Variants in USP47 observed in about 807,000 individuals in gnomAD.
The protein encoded by USP47 is ubiquitin specific peptidase 47.
A neutral mutation model predicts 165.1 loss-of-function variants in USP47; 35 were observed. The ratio of observed to expected loss-of-function variants is 0.21; its 90% CI spans 0.16 to 0.28. The LOEUF is 0.28. Ranked by LOEUF, USP47 falls within the 10% of genes least tolerant of loss-of-function variation. USP47 has a pLI of 1.00. For missense variants in USP47, 1,277 were observed against 1,607.4 expected, an observed-to-expected ratio of 0.79 and a Z score of 3.52; for synonymous variants, 531 against 544.5, an observed-to-expected ratio of 0.98 and a Z score of 0.35.
intron 3 of USP47, among the ~76,000 whole-genome samples, chr11:11,891,551 C>A (rs1233082563): frequency 6.6e-6 from 1 of 152,184 alleles, no homozygotes; most frequent in Admixed American, 6.5e-5. Flanking sequence ...CATAAGAATT[C>A]TTCAGTTCTG....
chr11:11,885,555 G>A (rs990854987), intron 3 of USP47, among the ~76,000 whole-genome samples: 1 of 152,046 alleles, frequency 6.6e-6, no homozygotes, highest in Admixed American at 6.6e-5. Context: ...AGGAGCCCAC[G>A]CCACCAGGGT....
chr11:11,905,376 A>G, intron 7 of USP47, 23 bp from the exon 8 acceptor site: 1 of 1,546,744 alleles, frequency 6.5e-7, no homozygotes, highest in South Asian at 1.2e-5. Context: ...GAACACTTAA[A>G]AATGTAAATA....
At chr11:11,918,564 T>C (rs543492470) in intron 8 of USP47, among the ~76,000 whole-genome samples, 1 of 152,226 alleles carries the variant, frequency 6.6e-6, no homozygotes, top group South Asian at 2.1e-4. Context: ...CTCAAATGGC[T>C]AAAACAAAGA....
In USP47 at chr11:11,929,900, A is replaced by G. The variant is rs74439109; in HGVS notation, c.1519-144A>G. The G allele has an allele frequency of 1.5e-3, 1,065 of 711,228 alleles. 5 individuals are homozygous for G. The highest frequency in any genetic ancestry group is 0.014 in the African/African-American group (783 of 55,968). The allele number at this position is 711,228 out of a possible 1,614,324, so 44.1% of individuals were successfully genotyped here. A position where few individuals can be genotyped will look rare whatever the true frequency, so the allele number is the denominator to read the frequency against. On this transcript the variant is annotated intron_variant, in intron 12 of 27. Coordinates refer to ENST00000527733, the MANE Select transcript of USP47 (RefSeq NM_001282659.2). ...TGGTAAGCAGCCACTGATTATGATT[A>G]AATTTTGTGAATTGGTAGCTGTGTG...
At chr11:11,928,333 A>G (rs1854408033) in intron 11 of USP47, among the ~76,000 whole-genome samples, 1 of 152,096 alleles carries the variant, frequency 6.6e-6, no homozygotes, top group South Asian at 2.1e-4. Context: ...TCACCACTGT[A>G]ATTAATTTTA....
At chr11:11,890,719 A>G (rs2134371022) in intron 3 of USP47, among the ~76,000 whole-genome samples, 1 of 152,326 alleles carries the variant, frequency 6.6e-6, no homozygotes, top group East Asian at 1.9e-4. Flanking sequence ...TCATATGTTC[A>G]CTGCAGCACT....
rs945921340 is a variant in USP47 at position 11,956,387 on chromosome 11, A to G, written c.*212A>G. On this transcript the variant is annotated 3_prime_UTR_variant, in exon 28 of 28. Transcript: ENST00000527733. ...TGTGCACTATAGTCAAATGTACTGT[A>G]AAGTGAAAAGGGATGTGCAAAAAAA... The G allele has an allele frequency of 2.5e-6, 1 of 406,710 alleles. No homozygotes were observed. The highest frequency in any genetic ancestry group is 9.0e-5 in the South Asian group (1 of 11,152). The allele number at this position is 406,710 out of a possible 1,614,324, so 25.2% of individuals were successfully genotyped here.
At chr11:11,910,618 G>T (rs2134508352) in intron 8 of USP47, among the ~76,000 whole-genome samples, 1 of 152,022 alleles carries the variant, frequency 6.6e-6, no homozygotes, top group South Asian at 2.1e-4. Context: ...TACAGCCAAG[G>T]TTATATCAGC....
rs1218166130 is a variant in USP47, at chr11:11,955,100, A to G, written c.3829A>G (p.Lys1277Glu). The change falls in exon 27 of 28, where the codon AAA (lysine) becomes GAA (glutamate). Residue 1277 changes from lysine to glutamate, a missense_variant. Coordinates refer to ENST00000527733, the MANE Select transcript of USP47 (RefSeq NM_001282659.2). Reference sequence around the variant, plus strand: ...TCATCAGGATTTAGACTGGAATCCTAAAGTTTCTACCCTGAATGTCTGGCC... The same window carrying G: ...TCATCAGGATTTAGACTGGAATCCTGAAGTTTCTACCCTGAATGTCTGGCC... ...DIHQDLDWNP[K>E]VSTLNVWPLY... is the part of the protein sequence containing the mutation. 8 of 1,613,778 alleles carry G rather than the reference A, an allele frequency of 5.0e-6. No individual in the cohort carries two copies. The highest frequency in any genetic ancestry group is 2.2e-5 in the East Asian group (1 of 44,848).
Position 11,929,414 on chromosome 11 carries a change from CT to C in USP47, c.1387-16del, listed in dbSNP as rs1564884416. 1 of 1,608,736 alleles carries C rather than the reference CT, an allele frequency of 6.2e-7. No homozygotes were observed. Among genetic ancestry groups the C allele is most frequent in the South Asian group, 1.1e-5 (1 of 90,314 alleles). ...TGTGTTTTCCTTCTCCTCTGAGTTACTTTTATTTTTTCCCCTTAGAATTCCT... is the reference window on the plus strand; with the variant it reads ...TGTGTTTTCCTTCTCCTCTGAGTTACTTTATTTTTTCCCCTTAGAATTCCT... On this transcript the variant is annotated intron_variant, in intron 11 of 27. Transcript: ENST00000527733.
chr11:11,923,436 T>C (rs1854009972), intron 11 of USP47, among the ~76,000 whole-genome samples: 1 of 152,050 alleles, frequency 6.6e-6, no homozygotes, highest in Non-Finnish European at 1.5e-5. Flanking sequence ...TCAAGACACT[T>C]TGAAAAATGG....
intron 8 of USP47, among the ~76,000 whole-genome samples, chr11:11,919,851 G>A (rs759747649): frequency 6.6e-6 from 1 of 151,788 alleles, no homozygotes; most frequent in African/African-American, 2.4e-5. Flanking sequence ...TAAGGACTGA[G>A]GATATTTTTA....
At chr11:11,919,198 A>T (rs1460688144) in intron 8 of USP47, among the ~76,000 whole-genome samples, 1 of 151,996 alleles carries the variant, frequency 6.6e-6, no homozygotes, top group Non-Finnish European at 1.5e-5. Flanking sequence ...AAGCTTTGCC[A>T]GATATTTTGC....
chr11:11,875,913 T>C (rs1850383832), intron 1 of USP47, among the ~76,000 whole-genome samples: 4 of 152,242 alleles, frequency 2.6e-5, no homozygotes, highest in Non-Finnish European at 5.9e-5. Flanking sequence ...ATTTTTACTT[T>C]TTTAAAAAGG....
At chr11:11,889,927 A>T (rs953499690) in intron 3 of USP47, among the ~76,000 whole-genome samples, 5 of 152,194 alleles carry the variant, frequency 3.3e-5, no homozygotes, top group African/African-American at 1.2e-4. Context: ...CTGATCTTCA[A>T]CAAACCAGAC....
At chr11:11,872,138 TA>T (rs1357187616) in intron 1 of USP47, among the ~76,000 whole-genome samples, 2 of 152,138 alleles carry the variant, frequency 1.3e-5, no homozygotes, top group African/African-American at 4.8e-5. Context: ...GCAGAAAGGC[TA>T]GGGGCTGGAA....
At chr11:11,930,630 T>G in intron 13 of USP47, 66 bp from the exon 14 acceptor site, 1 of 1,168,822 alleles carries the variant, frequency 8.6e-7, no homozygotes, top group Admixed American at 2.2e-5. Flanking sequence ...AAATATTTCA[T>G]GCTTAGAAGT....
At chr11:11,884,622 C>A in intron 3 of USP47, 42 bp downstream of exon 3, 2 of 1,333,456 alleles carry the variant, frequency 1.5e-6, no homozygotes, top group South Asian at 1.3e-5. Flanking sequence ...TTTTTGTGCA[C>A]TGTCACCTAC....
intron 1 of USP47, among the ~76,000 whole-genome samples, chr11:11,864,058 T>C (rs999614387): frequency 6.6e-6 from 1 of 152,154 alleles, no homozygotes; most frequent in Non-Finnish European, 1.5e-5. Context: ...CTAGAAAATA[T>C]GCATACAAAC....
Sources: allele counts gnomAD v4.1 joint callset (sites outside exome capture counted in the v4.1 genomes callset), GRCh38; gene constraint gnomAD v4.1.1; transcripts MANE v1.5; gene names NCBI Gene and HGNC (gene_info 2026-07-23, HGNC 2026-07-21).